The following NPC1 variants were observed in gnomAD, a reference collection of about 807,000 sequenced individuals.
The protein encoded by NPC1 is NPC intracellular cholesterol transporter 1.
In NPC1, 85 loss-of-function variants were observed where a neutral mutation model predicts 140.4. The ratio of observed to expected loss-of-function variants is 0.61; its 90% confidence interval spans 0.51 to 0.72. NPC1 has a LOEUF of 0.72. NPC1 is among the 30% of genes least tolerant of loss of function. The pLI is 0.00. For synonymous variants in NPC1, 656 were observed against 624.8 expected, an observed-to-expected ratio of 1.05 and a Z score of -0.74; for missense variants, 1,504 against 1,623.8, an observed-to-expected ratio of 0.93 and a Z score of 1.27.
At chr18:23,584,545 T>G (rs1166217067) in intron 1 of NPC1, among the ~76,000 whole-genome samples, 2 of 152,100 alleles carry the variant, frequency 1.3e-5, no homozygotes, top group Admixed American at 6.5e-5. Flanking sequence ...TACTTGAGAT[T>G]TAAAAAATAC....
In NPC1 at chr18:23,544,397, G is replaced by C; in HGVS notation, c.2077C>G (p.Leu693Val). The C allele has an allele frequency of 6.2e-7, 1 of 1,614,156 alleles. No individual in the cohort carries two copies. The change falls in exon 13 of 25, where the codon CTG becomes GTG. Residue 693 changes from leucine to valine, a missense_variant. Coordinates refer to ENST00000269228, the MANE Select transcript of NPC1 (RefSeq NM_000271.5). Reference sequence around the variant, plus strand: ...TTGTCCACTCCAACAGCCAGCACCAGGAACGGGATGACTTCAATCACAATG... The same window carrying C: ...TTGTCCACTCCAACAGCCAGCACCACGAACGGGATGACTTCAATCACAATG... ...TLIVIEVIPF[L>V]VLAVGVDNIF...
At chr18:23,564,277 C>T (rs2059089577) in intron 4 of NPC1, among the ~76,000 whole-genome samples, 1 of 152,290 alleles carries the variant, frequency 6.6e-6, no homozygotes, top group East Asian at 1.9e-4. Flanking sequence ...AGCCACAGCG[C>T]CCGGCCAAGA....
Position 23,548,039 on chromosome 18 carries a change from T to C in NPC1, c.1724A>G (p.Glu575Gly). The C allele has an allele frequency of 1.2e-6, 2 of 1,611,122 alleles. No individual in the cohort carries two copies. Among genetic ancestry groups the C allele is most frequent in the Non-Finnish European group, 1.7e-6 (2 of 1,177,274 alleles). ...CCAGGCCTGGGCCCTCTGGAGCTTCTCTGTATCATTATAGTAATTATTGAC... is the reference window on the plus strand; with the variant it reads ...CCAGGCCTGGGCCCTCTGGAGCTTCCCTGTATCATTATAGTAATTATTGAC... ...FPVNNYYNDT[E>G]KLQRAQAWEK... is the part of the protein sequence containing the mutation. The change falls in exon 11 of 25, where the codon GAG (glutamate) becomes GGG (glycine). Residue 575 changes from glutamate (E) to glycine (G), a missense_variant. Coordinates refer to ENST00000269228, the MANE Select transcript of NPC1 (RefSeq NM_000271.5).
intron 20 of NPC1, 88 bp from the exon 21 acceptor site, chr18:23,536,964 T>G: frequency 9.5e-7 from 1 of 1,054,820 alleles, no homozygotes; most frequent in South Asian, 1.3e-5. Context: ...CAAAATCACC[T>G]GACCCTGGAC....
chr18:23,534,544 C>A lies in NPC1; in HGVS notation c.3493G>T (p.Val1165Leu), dbSNP rs748862167. The A allele has an allele frequency of 6.2e-7, 1 of 1,613,878 alleles. No individual in the cohort carries two copies. Among genetic ancestry groups the A allele is most frequent in the East Asian group, 2.2e-5 (1 of 44,882 alleles). Residue 1165 changes from valine (V) to leucine (L), a missense_variant, in exon 23 of 25, where the codon GTG (valine) becomes TTG (leucine). By Grantham distance (32) the Val-to-Leu change is conservative. Coordinates refer to ENST00000269228, the MANE Select transcript of NPC1 (RefSeq NM_000271.5). ...CTGGTTATGTGGCTGCAGAACTCCACGGAGATGCCACAGCTCTGAAATAAA... is the reference window on the plus strand; with the variant it reads ...CTGGTTATGTGGCTGCAGAACTCCAAGGAGATGCCACAGCTCTGAAATAAA... Reference protein sequence around the residue: ...VNLVMSCGISVEFCSHITRAF... With the variant: ...VNLVMSCGISLEFCSHITRAF...
chr18:23,538,996 G>A (rs1356407306), intron 19 of NPC1: 3 of 448,540 alleles, frequency 6.7e-6, no homozygotes, highest in Non-Finnish European at 1.2e-5. Context: ...GGGCAACCTC[G>A]ACGCTCCTAC....
chr18:23,538,722 T>C, intron 19 of NPC1, 51 bp from the exon 20 acceptor site: 1 of 1,601,344 alleles, frequency 6.2e-7, no homozygotes. Context: ...CTCCAGATTT[T>C]TTGTAAAACA....
chr18:23,586,413 T>C lies in NPC1; in HGVS notation c.-70A>G. The C allele has an allele frequency of 6.6e-7, 1 of 1,525,612 alleles. No homozygotes were observed. Among genetic ancestry groups the C allele is most frequent in the Non-Finnish European group, 8.8e-7 (1 of 1,142,484 alleles). 94.5% of individuals were successfully genotyped at this position (1,525,612 alleles called of 1,614,324 possible). ...TTGGGCTCCCCGGAGGCGGCTCTAC[T>C]TCCCCGGGCTGTTTCAGCACCCCGC... is the stretch of plus-strand genomic sequence containing the variant. On this transcript the variant is annotated 5_prime_UTR_variant, in exon 1 of 25. Coordinates refer to ENST00000269228, the MANE Select transcript of NPC1 (RefSeq NM_000271.5).
At chr18:23,530,002 C>G, downstream of NPC1, 1 of 1,581,070 alleles carries the variant, frequency 6.3e-7, no homozygotes, top group Non-Finnish European at 8.7e-7. Context: ...TGGAAGTGTT[C>G]TTTCACTTTT....
At chr18:23,575,198 T>G (rs2059257345) in intron 1 of NPC1, among the ~76,000 whole-genome samples, 1 of 152,100 alleles carries the variant, frequency 6.6e-6, no homozygotes, top group Non-Finnish European at 1.5e-5. Flanking sequence ...ACAGGACGGG[T>G]GTCTGGAGTC....
At chr18:23,520,187 C>T (rs1555627114), downstream of NPC1, 4 of 1,606,428 alleles carry the variant, frequency 2.5e-6, no homozygotes, top group Admixed American at 1.7e-5. Context: ...TCAGTCTTGT[C>T]TTTTTCCCCC....
intron 4 of NPC1, among the ~76,000 whole-genome samples, chr18:23,566,866 T>A (rs986681476): frequency 6.6e-6 from 1 of 152,242 alleles, no homozygotes; most frequent in Non-Finnish European, 1.5e-5. Flanking sequence ...CCCATGGCAA[T>A]CACTGACTTT....
At chr18:23,547,170 G>A (rs1260367068) in intron 11 of NPC1, among the ~76,000 whole-genome samples, 2 of 152,028 alleles carry the variant, frequency 1.3e-5, no homozygotes, top group African/African-American at 4.8e-5. Context: ...CCATATCTCA[G>A]TAAAACAATT....
intron 4 of NPC1, among the ~76,000 whole-genome samples, chr18:23,562,139 A>G (rs1296259237): frequency 1.3e-5 from 2 of 152,048 alleles, no homozygotes; most frequent in Non-Finnish European, 2.9e-5. Flanking sequence ...AATACAAAAA[A>G]TTAGCCGGGC....
At position 23,531,864 on chromosome 18, in the gene NPC1, A is replaced by G. The variant is rs770344729; in HGVS notation, c.*338T>C. 6.9e-6 allele frequency: 10 copies of G among 1,449,038 alleles called. No homozygotes were observed. Among genetic ancestry groups the G allele is most frequent in the Non-Finnish European group, 9.0e-6 (10 of 1,108,884 alleles). The allele number at this position is 1,449,038 out of a possible 1,614,324, so 89.8% of individuals were successfully genotyped here. On this transcript the variant is annotated 3_prime_UTR_variant, in exon 25 of 25. Coordinates refer to ENST00000269228, the MANE Select transcript of NPC1 (RefSeq NM_000271.5). ...TGGGATGGCTTACTCCTAAAAGGAG[A>G]GACAGACAGTGCATTGATTGGCCTT... is the stretch of plus-strand genomic sequence containing the variant.
At position 23,543,572 on chromosome 18, in the gene NPC1, T is replaced by TAAA. The variant is rs11299077; in HGVS notation, c.2131-6_2131-4dup. On this transcript the variant is annotated splice_region_variant and splice_polypyrimidine_tract_variant and intron_variant, in intron 13 of 24. Coordinates refer to ENST00000269228, the MANE Select transcript of NPC1 (RefSeq NM_000271.5). ...TCCCCTTGAAGACGTTCATCTCTCT[T>TAAA]AAAAAAAAAAAAAAAAAATTATGCG... 3.4e-5 allele frequency: 41 copies of TAAA among 1,205,434 alleles called. No homozygotes were observed. Among genetic ancestry groups the TAAA allele is most frequent in the Non-Finnish European group, 4.0e-5 (34 of 844,280 alleles). The allele number at this position is 1,205,434 out of a possible 1,614,324, so 74.7% of individuals were successfully genotyped here.
chr18:23,575,946 G>A (rs1426356138), intron 1 of NPC1, among the ~76,000 whole-genome samples: 4 of 151,664 alleles, frequency 2.6e-5, no homozygotes, highest in African/African-American at 9.7e-5. Flanking sequence ...ACAACAGGCC[G>A]GGCACGGTGG....
At chr18:23,534,310 G>C in intron 23 of NPC1, 136 bp downstream of exon 23, 1 of 713,964 alleles carries the variant, frequency 1.4e-6, no homozygotes, top group South Asian at 1.5e-5. Flanking sequence ...CGATGTGGCA[G>C]CTAATTCATG....
At chr18:23,530,548 T>C (rs565947775), downstream of NPC1, 77 of 1,614,242 alleles carry the variant, frequency 4.8e-5, no homozygotes, top group South Asian at 7.9e-4. Context: ...TGCTTTTCTA[T>C]ACAATATTCC....
Sources: allele counts gnomAD v4.1 joint callset (sites outside exome capture counted in the v4.1 genomes callset), GRCh38; gene constraint gnomAD v4.1.1; transcripts MANE v1.5; gene names NCBI Gene and HGNC (gene_info 2026-07-23, HGNC 2026-07-21).